The following PDE4B variants were observed in gnomAD, a reference collection of about 807,000 sequenced individuals.
PDE4B encodes the protein 3',5'-cyclic-AMP phosphodiesterase 4B.
Under a neutral mutation model 82.2 loss-of-function variants are expected in PDE4B, and 20 were observed. The observed-to-expected ratio is 0.24, with a 90% confidence interval of 0.17 to 0.35. The LOEUF (loss-of-function observed/expected upper bound fraction) is 0.35, where lower values mean the gene tolerates loss of function less well. Among genes scored for constraint, PDE4B ranks in the 10% least tolerant of loss-of-function variants. The pLI is 1.00. For missense variants in PDE4B, 655 were observed against 907.2 expected (o/e 0.72, Z 3.57); for synonymous variants, 320 against 318.9 (o/e 1.00, Z -0.04).
chr1:66,339,524 G>T (rs1660797145), intron 8 of PDE4B, among the ~76,000 whole-genome samples: 1 of 152,178 alleles, frequency 6.6e-6, no homozygotes, highest in Non-Finnish European at 1.5e-5. Flanking sequence ...TCACTTGAAA[G>T]TCCTCAAGTG....
chr1:65,851,647 A>G (rs561635127), intron 1 of PDE4B, among the ~76,000 whole-genome samples: 14 of 152,152 alleles, frequency 9.2e-5, no homozygotes, highest in African/African-American at 3.4e-4. Flanking sequence ...TATAGAAATA[A>G]GCTTAATTTT....
chr1:66,238,165 A>T (rs538719385), intron 3 of PDE4B, among the ~76,000 whole-genome samples: 1 of 152,318 alleles, frequency 6.6e-6, no homozygotes, highest in African/African-American at 2.4e-5. Context: ...CTCGACAAAT[A>T]TTTATGTAGC....
At chr1:65,807,756 T>C (rs544256002) in intron 1 of PDE4B, among the ~76,000 whole-genome samples, 2 of 152,336 alleles carry the variant, frequency 1.3e-5, no homozygotes, top group Admixed American at 6.5e-5. Flanking sequence ...TTCAATGTGA[T>C]GTGGTGTCCT....
intron 1 of PDE4B, among the ~76,000 whole-genome samples, chr1:65,873,265 G>C (rs1317970596): frequency 6.6e-6 from 1 of 152,144 alleles, no homozygotes; most frequent in Non-Finnish European, 1.5e-5. Flanking sequence ...GGGAAGTTGG[G>C]ACTGGCTCAA....
At chr1:65,884,954 C>T (rs931327083) in intron 1 of PDE4B, among the ~76,000 whole-genome samples, 3 of 152,150 alleles carry the variant, frequency 2.0e-5, no homozygotes, top group African/African-American at 7.2e-5. Flanking sequence ...GTTTTGCAAT[C>T]TACTCATCTA....
intron 3 of PDE4B, among the ~76,000 whole-genome samples, chr1:66,061,199 G>A (rs776639139): frequency 9.3e-5 from 14 of 149,906 alleles, no homozygotes; most frequent in Non-Finnish European, 1.9e-4. Context: ...TTGAATGGAA[G>A]GGAAGCATTG....
chr1:65,893,677 T>C (rs1370593849), intron 1 of PDE4B, among the ~76,000 whole-genome samples: 4 of 96,970 alleles, frequency 4.1e-5, no homozygotes, highest in Non-Finnish European at 9.8e-5. Flanking sequence ...GTAATCATTA[T>C]ATGAAACATG....
chr1:65,905,439 T>TG (rs1647018549), intron 1 of PDE4B, among the ~76,000 whole-genome samples: 1 of 151,810 alleles, frequency 6.6e-6, no homozygotes, highest in African/African-American at 2.4e-5. Flanking sequence ...AAGCATAAGG[T>TG]GGGGAAGCAA....
At chr1:65,885,623 A>G (rs1360205323) in intron 1 of PDE4B, among the ~76,000 whole-genome samples, 15 of 151,762 alleles carry the variant, frequency 9.9e-5, no homozygotes, top group Admixed American at 2.6e-4. Flanking sequence ...AAAAAACCAA[A>G]CACCACATGT....
rs536011566 is a variant in PDE4B at position 66,351,162 on chromosome 1, A to G, written c.748-4365A>G. ...AATTTTTTATTAGAGTTTATTCACA[A>G]ATTTTGCTTGTCTGTGTTGAAAAGG... On this transcript the variant is annotated intron_variant, in intron 8 of 16. Transcript: ENST00000341517. Among the ~76,000 whole-genome samples, 6 of 152,308 alleles carry G rather than the reference A, an allele frequency of 3.9e-5. No homozygotes were observed. In the East Asian group the frequency reaches 5.8e-4, roughly 15 times the overall value.
chr1:66,189,296 T>G (rs1403263148), intron 3 of PDE4B, among the ~76,000 whole-genome samples: 1 of 152,162 alleles, frequency 6.6e-6, no homozygotes. Context: ...TTGGTGAATC[T>G]GACAATTATA....
intron 4 of PDE4B, among the ~76,000 whole-genome samples, chr1:66,248,819 A>G (rs1653527148): frequency 6.6e-6 from 1 of 152,244 alleles, no homozygotes; most frequent in South Asian, 2.1e-4. Context: ...GTGAAAGGAA[A>G]TAACATTTAA....
At chr1:66,030,996 C>G (rs374725971) in intron 3 of PDE4B, among the ~76,000 whole-genome samples, 3 of 152,170 alleles carry the variant, frequency 2.0e-5, no homozygotes, top group Admixed American at 2.0e-4. Flanking sequence ...AGCTGAAGAA[C>G]CATCTGTTGG....
chr1:66,162,086 AG>A (rs1391674957), intron 3 of PDE4B, among the ~76,000 whole-genome samples: 4 of 152,086 alleles, frequency 2.6e-5, no homozygotes, highest in Admixed American at 6.6e-5. Flanking sequence ...TCTTGATTGC[AG>A]AAAAAAAAAA....
At position 66,122,707 on chromosome 1, in the gene PDE4B, T is replaced by TC. The variant is rs1339317494; in HGVS notation, c.282-124753_282-124752insC. Among the ~76,000 whole-genome samples the TC allele has an allele frequency of 2.5e-3, 365 of 145,982 alleles. 2 individuals are homozygous for TC. Among genetic ancestry groups the TC allele is most frequent in the Non-Finnish European group, 3.7e-3 (245 of 66,186 alleles). On this transcript the variant is annotated intron_variant, in intron 3 of 16. Transcript: ENST00000341517. ...TTTTTTTCTTTCTCTTCTTTTCTTT[T>TC]TTTTTTTTTTTTTTTGAGACAGAGT...
chr1:65,812,737 C>T (rs1645834224), intron 1 of PDE4B, among the ~76,000 whole-genome samples: 1 of 152,132 alleles, frequency 6.6e-6, no homozygotes, highest in African/African-American at 2.4e-5. Context: ...GTCTCAGCCT[C>T]CTATATGATA....
chr1:66,162,629 A>G (rs1015332825), intron 3 of PDE4B, among the ~76,000 whole-genome samples: 2 of 151,724 alleles, frequency 1.3e-5, no homozygotes, highest in Non-Finnish European at 2.9e-5. Context: ...GAATATTTGC[A>G]TATACTTACT....
At chr1:65,853,042 C>T (rs1442866959) in intron 1 of PDE4B, among the ~76,000 whole-genome samples, 2 of 151,862 alleles carry the variant, frequency 1.3e-5, no homozygotes, top group African/African-American at 2.4e-5. Flanking sequence ...CCAGTTTTTG[C>T]CTCTTGTTTT....
chr1:66,367,974 G>A lies in PDE4B; in HGVS notation c.1571G>A (p.Ser524Asn). Residue 524 changes from serine to asparagine, a missense_variant, in exon 15 of 17, where the codon AGC becomes AAC. Physicochemically the swap from Ser to Asn is conservative, Grantham distance 46. This residue lies in a region of PDE4B where 283 missense variants were observed against 516.4 expected (regional missense o/e 0.55). Transcript: ENST00000341517. ...GCAACTGATATGTCTAAACATATGA[G>A]CCTGCTGGCAGACCTGAAGACAATG... ...VLATDMSKHM[S>N]LLADLKTMVE... 1.9e-6 allele frequency: 3 copies of A among 1,613,784 alleles called. No individual in the cohort carries two copies. The highest frequency in any genetic ancestry group is 1.3e-5 in the African/African-American group (1 of 75,014).
Sources: allele counts gnomAD v4.1 joint callset (sites outside exome capture counted in the v4.1 genomes callset), GRCh38; gene constraint gnomAD v4.1.1; regional missense constraint gnomAD v4.1.1; transcripts MANE v1.5; gene names NCBI Gene and HGNC (gene_info 2026-07-23, HGNC 2026-07-21).